TAFA1: variants seen among roughly 807,000 people sequenced by gnomAD.
TAFA1 encodes the protein chemokine-like protein TAFA-1.
In TAFA1, 4 loss-of-function variants were observed where a neutral mutation model predicts 18.5. The observed-to-expected ratio is 0.22, with a 90% CI of 0.11 to 0.49. TAFA1 has a LOEUF of 0.49. Ranked by LOEUF, TAFA1 falls within the 20% of genes least tolerant of loss-of-function variation. The pLI is 0.98. For missense variants in TAFA1, 147 were observed against 169.0 expected (o/e 0.87, Z 0.72); for synonymous variants, 56 against 55.2 (o/e 1.01, Z -0.06).
chr3:68,339,084 G>A (rs192202089), intron 2 of TAFA1, among the ~76,000 whole-genome samples: 143 of 152,304 alleles, frequency 9.4e-4, no homozygotes, highest in Non-Finnish European at 1.5e-3. Context: ...AAAGCAAGTC[G>A]CATGGCCAAA....
intron 2 of TAFA1, among the ~76,000 whole-genome samples, chr3:68,283,611 C>T (rs1376496727): frequency 1.3e-5 from 2 of 152,210 alleles, no homozygotes; most frequent in East Asian, 1.9e-4. Flanking sequence ...ATAAAACCCA[C>T]CTTGAAGTAT....
chr3:68,154,573 G>T lies in TAFA1; in HGVS notation c.118+147829G>T, dbSNP rs1454222580. ...AAACCCCTGTTTCCTTGAGGCTTAT[G>T]TGTCTCTCCTTTCATCCCCACATGG... On this transcript the variant is annotated intron_variant, in intron 2 of 4. Coordinates refer to ENST00000478136, the MANE Select transcript of TAFA1 (RefSeq NM_213609.4). Among the ~76,000 whole-genome samples the T allele has an allele frequency of 3.3e-5, 5 of 152,170 alleles. 1 individual carries two copies. Among genetic ancestry groups the T allele is most frequent in the African/African-American group, 4.8e-5 (2 of 41,434 alleles).
At chr3:68,376,461 G>T (rs2069819899) in intron 2 of TAFA1, among the ~76,000 whole-genome samples, 1 of 151,902 alleles carries the variant, frequency 6.6e-6, no homozygotes, top group Non-Finnish European at 1.5e-5. Context: ...TTGTGTCCAT[G>T]TGTTCTCATC....
At position 68,089,444 on chromosome 3, in the gene TAFA1, A is replaced by G. The variant is rs531155453; in HGVS notation, c.118+82700A>G. 5.9e-5 allele frequency among the ~76,000 whole-genome samples: 9 copies of G among 152,330 alleles called. No individual in the cohort carries two copies. In the South Asian group the frequency reaches 1.9e-3, roughly 32 times the overall value. ...GTGATTAATTAGTTAATAAACATGA[A>G]CACTCTTTAAATCTAATTCAGAGGT... On this transcript the variant is annotated intron_variant, in intron 2 of 4. Transcript: ENST00000478136.
chr3:68,362,401 C>T (rs1007438058), intron 2 of TAFA1, among the ~76,000 whole-genome samples: 11 of 152,150 alleles, frequency 7.2e-5, no homozygotes, highest in African/African-American at 2.2e-4. Flanking sequence ...AACATTCTCA[C>T]GGACTGAAGA....
At chr3:68,222,055 A>T (rs536441070) in intron 2 of TAFA1, among the ~76,000 whole-genome samples, 22 of 152,308 alleles carry the variant, frequency 1.4e-4, no homozygotes, top group African/African-American at 5.3e-4. Flanking sequence ...TTTTCATTTT[A>T]TTATACTTTC....
In TAFA1 at chr3:68,430,969, GTTTAT is replaced by G. The variant is rs551319553; in HGVS notation, c.259+13554_259+13558del. On this transcript the variant is annotated intron_variant, in intron 3 of 4. Transcript: ENST00000478136. ...CTGGGTAAACGGCTTCTCATTTGGGGTTTATTTTAACTACAGGCTCATGTCAATTT... is the reference window on the plus strand; with the variant it reads ...CTGGGTAAACGGCTTCTCATTTGGGGTTTAACTACAGGCTCATGTCAATTT... 2.3e-3 allele frequency among the ~76,000 whole-genome samples: 351 copies of G among 152,024 alleles called. 3 individuals are homozygous for G. Among genetic ancestry groups the G allele is most frequent in the African/African-American group, 7.5e-3 (311 of 41,512 alleles).
At chr3:68,451,444 C>T (rs779582370) in intron 3 of TAFA1, among the ~76,000 whole-genome samples, 9 of 152,048 alleles carry the variant, frequency 5.9e-5, no homozygotes, top group East Asian at 1.9e-4. Flanking sequence ...ACAAAGTAAA[C>T]GACTAATTTA....
intron 2 of TAFA1, among the ~76,000 whole-genome samples, chr3:68,259,420 G>T (rs561782730): frequency 6.6e-6 from 1 of 152,108 alleles, no homozygotes; most frequent in East Asian, 1.9e-4. Flanking sequence ...GGCGATGCGG[G>T]CTCTTTTTTG....
chr3:68,331,294 T>C (rs1353275455), intron 2 of TAFA1, among the ~76,000 whole-genome samples: 1 of 152,166 alleles, frequency 6.6e-6, no homozygotes, highest in African/African-American at 2.4e-5. Flanking sequence ...GAGACAGGAA[T>C]GGAGACTGAC....
chr3:68,172,787 A>G (rs75755448), intron 2 of TAFA1, among the ~76,000 whole-genome samples: 13,155 of 152,234 alleles, frequency 0.086, 1,886 homozygotes, highest in African/African-American at 0.3. Context: ...ATAATAGATT[A>G]TTTATTGATT....
intron 3 of TAFA1, among the ~76,000 whole-genome samples, chr3:68,532,849 T>A (rs944041468): frequency 2.7e-5 from 4 of 150,420 alleles, no homozygotes; most frequent in Non-Finnish European, 3.0e-5. Context: ...TATGAAAAAA[T>A]TATGTTTAGA....
intron 2 of TAFA1, among the ~76,000 whole-genome samples, chr3:68,007,741 G>A (rs143414762): frequency 6.6e-6 from 1 of 151,778 alleles, no homozygotes; most frequent in Non-Finnish European, 1.5e-5. Context: ...CCCATCAATG[G>A]CCTCCTCCCC....
intron 2 of TAFA1, among the ~76,000 whole-genome samples, chr3:68,363,121 T>TTCAC (rs2069501212): frequency 6.6e-6 from 1 of 152,058 alleles, no homozygotes; most frequent in African/African-American, 2.4e-5. Context: ...AGTTTATGAT[T>TTCAC]TCCACTCAAT....
intron 2 of TAFA1, among the ~76,000 whole-genome samples, chr3:68,374,127 A>T (rs2069764437): frequency 6.6e-6 from 1 of 152,168 alleles, no homozygotes; most frequent in African/African-American, 2.4e-5. Context: ...TCTGCTTCTC[A>T]TCCCACATGG....
rs1559586857 is a variant in TAFA1, at chr3:68,263,451, A to ACATG, written c.119-153827_119-153826insTGCA. 2.0e-5 allele frequency among the ~76,000 whole-genome samples: 3 copies of ACATG among 149,676 alleles called. No homozygotes were observed. In the South Asian group the frequency reaches 6.4e-4, roughly 32 times the overall value. On this transcript the variant is annotated intron_variant, in intron 2 of 4. Transcript: ENST00000478136. ...ATACTTTAACCACACACACATACAC[A>ACATG]CACACACACACACACACACACACAC... is the stretch of plus-strand genomic sequence containing the variant.
At chr3:68,089,203 A>G (rs2065004399) in intron 2 of TAFA1, among the ~76,000 whole-genome samples, 1 of 152,160 alleles carries the variant, frequency 6.6e-6, no homozygotes, top group Non-Finnish European at 1.5e-5. Context: ...TAAATTTGGG[A>G]GTTCTCAGTA....
At chr3:68,426,493 G>C (rs1467528368) in intron 3 of TAFA1, among the ~76,000 whole-genome samples, 3 of 151,816 alleles carry the variant, frequency 2.0e-5, no homozygotes. Flanking sequence ...AATAAAAATG[G>C]CTGGTAAACA....
At chr3:68,212,541 C>T (rs2107070797) in intron 2 of TAFA1, among the ~76,000 whole-genome samples, 1 of 152,132 alleles carries the variant, frequency 6.6e-6, no homozygotes, top group East Asian at 1.9e-4. Context: ...CTGCAATGAG[C>T]AGTCACTTTT....
Sources: allele counts gnomAD v4.1 joint callset (sites outside exome capture counted in the v4.1 genomes callset), GRCh38; gene constraint gnomAD v4.1.1; transcripts MANE v1.5; gene names NCBI Gene and HGNC (gene_info 2026-07-23, HGNC 2026-07-21).